Variants in PPFIBP2 observed in about 807,000 individuals in gnomAD.
PPFIBP2 encodes PPFIB scaffold protein 2.
In PPFIBP2, 118 loss-of-function variants were observed where a neutral mutation model predicts 118.3. That is an observed-to-expected ratio of 1.00 (90% CI 0.86 to 1.16). The LOEUF (loss-of-function observed/expected upper bound fraction) is 1.16. Ranked by LOEUF, PPFIBP2 falls within the 50% of genes most tolerant of loss-of-function variation. The pLI, the probability that PPFIBP2 is intolerant of heterozygous loss-of-function variation, is 0.00. For synonymous variants in PPFIBP2, 414 were observed against 397.4 expected (o/e 1.04, Z -0.50); for missense variants, 1,195 against 1,073.1 (o/e 1.11, Z -1.59).
chr11:7,626,906 G>A (rs920380691), intron 8 of PPFIBP2, among the ~76,000 whole-genome samples: 2 of 152,222 alleles, frequency 1.3e-5, no homozygotes, highest in Non-Finnish European at 2.9e-5. Flanking sequence ...GGCTGGAGAA[G>A]GAAATTAGTG....
intron 17 of PPFIBP2, 129 bp from the exon 18 acceptor site, chr11:7,648,258 G>C (rs1853411941): frequency 9.7e-7 from 1 of 1,025,650 alleles, no homozygotes; most frequent in African/African-American, 1.6e-5. Context: ...CCATGATGGA[G>C]GTTGTTTGTT....
chr11:7,561,668 CTT>C (rs1854313614), intron 2 of PPFIBP2, among the ~76,000 whole-genome samples: 1 of 152,184 alleles, frequency 6.6e-6, no homozygotes, highest in African/African-American at 2.4e-5. Context: ...GCAAGTGCCT[CTT>C]GATTGTACTT....
chr11:7,566,570 G>A (rs1409576502), intron 3 of PPFIBP2, among the ~76,000 whole-genome samples: 2 of 152,230 alleles, frequency 1.3e-5, no homozygotes, highest in East Asian at 3.9e-4. Flanking sequence ...GTTTCCCTAT[G>A]TTGTCCAGGT....
chr11:7,534,397 A>G (rs192274846), intron 1 of PPFIBP2, among the ~76,000 whole-genome samples: 4 of 152,322 alleles, frequency 2.6e-5, no homozygotes, highest in African/African-American at 9.6e-5. Flanking sequence ...CTTTTTGGAA[A>G]TATTCACTTT....
intron 3 of PPFIBP2, among the ~76,000 whole-genome samples, chr11:7,582,338 C>T (rs370250986): frequency 6.6e-6 from 1 of 152,154 alleles, no homozygotes. Context: ...CCTCAATTTC[C>T]TATGATACCT....
At chr11:7,581,287 G>A (rs1014656043) in intron 3 of PPFIBP2, among the ~76,000 whole-genome samples, 7 of 152,232 alleles carry the variant, frequency 4.6e-5, no homozygotes, top group African/African-American at 1.7e-4. Flanking sequence ...AGCAGGGTCT[G>A]TGGGACCCAC....
chr11:7,648,991 C>T, intron 19 of PPFIBP2, 80 bp downstream of exon 19: 1 of 1,393,518 alleles, frequency 7.2e-7, no homozygotes, highest in Non-Finnish European at 1.0e-6. Flanking sequence ...AAATGGGTAC[C>T]TCAAGGACAG....
chr11:7,663,888 T>A, the PPFIBP2 span, among the ~76,000 whole-genome samples: 1 of 152,162 alleles, frequency 6.6e-6, no homozygotes, highest in Non-Finnish European at 1.5e-5. Flanking sequence ...AGCGCAGTAT[T>A]CTGGTGGGAG....
At chr11:7,591,777 T>A (rs1859352087) in intron 3 of PPFIBP2, among the ~76,000 whole-genome samples, 1 of 152,102 alleles carries the variant, frequency 6.6e-6, no homozygotes, top group African/African-American at 2.4e-5. Flanking sequence ...CAACAAACAA[T>A]CAATGAATCT....
chr11:7,641,858 T>G, intron 16 of PPFIBP2: 1 of 542,342 alleles, frequency 1.8e-6, no homozygotes. Flanking sequence ...CACCCACCCA[T>G]TCCACACACC....
intron 1 of PPFIBP2, among the ~76,000 whole-genome samples, chr11:7,537,881 C>G (rs1851368679): frequency 6.6e-6 from 1 of 152,156 alleles, no homozygotes; most frequent in African/African-American, 2.4e-5. Context: ...CCTTTGGCAT[C>G]TCCCCAAACC....
intron 5 of PPFIBP2, chr11:7,605,605 G>C (rs1847243208): frequency 1.3e-6 from 1 of 751,734 alleles, no homozygotes; most frequent in African/African-American, 1.9e-5. Context: ...GATCCCATGA[G>C]GATTTTCTGC....
chr11:7,563,045 G>C (rs545133870), intron 2 of PPFIBP2, among the ~76,000 whole-genome samples: 1 of 142,796 alleles, frequency 7.0e-6, no homozygotes, highest in African/African-American at 2.6e-5. Flanking sequence ...ATGTACACAC[G>C]CATACTCTGA....
chr11:7,605,861 A>G (rs1847277179), intron 5 of PPFIBP2: 3 of 1,454,578 alleles, frequency 2.1e-6, no homozygotes, highest in Non-Finnish European at 2.7e-6. Context: ...TACACGTGAG[A>G]TCCAAGTGGT....
chr11:7,653,848 C>T (rs1277629859), downstream of PPFIBP2: 16 of 1,143,048 alleles, frequency 1.4e-5, no homozygotes, highest in African/African-American at 3.3e-5. Flanking sequence ...GCTGAAGAGC[C>T]GGTGGCACTG....
intron 17 of PPFIBP2, 103 bp downstream of exon 17, chr11:7,642,529 C>T: frequency 1.5e-6 from 2 of 1,312,778 alleles, no homozygotes; most frequent in Admixed American, 2.6e-5. Context: ...TTGCGGAAAC[C>T]CCTTTCCATA....
chr11:7,577,228 T>C (rs894363849), intron 3 of PPFIBP2: 3 of 189,342 alleles, frequency 1.6e-5, no homozygotes, highest in African/African-American at 4.7e-5. Flanking sequence ...TCTGTCCAAG[T>C]CTTCTTTCTT....
rs756491171 is a variant in PPFIBP2 at position 7,651,789 on chromosome 11, G to T, written c.2381G>T (p.Arg794Leu). ...GGTCCGGAGGCTGAACAGGAGAAGC[G>T]AGAGAAAATGGCCTCACCAGCTTAC... ...LIGPEAEQEK[R>L]EKMASPAYTP... Residue 794 changes from arginine (R) to leucine (L), a missense_variant, in exon 23 of 24, where the codon CGA (arginine) becomes CTA (leucine). Physicochemically the swap from Arg to Leu is moderately radical, Grantham distance 102. Transcript: ENST00000299492. The T allele has an allele frequency of 2.5e-6, 4 of 1,613,938 alleles. No homozygotes were observed. The highest frequency in any genetic ancestry group is 2.5e-6 in the Non-Finnish European group (3 of 1,179,820).
chr11:7,569,825 C>G (rs1029839985), intron 3 of PPFIBP2, among the ~76,000 whole-genome samples: 1 of 152,172 alleles, frequency 6.6e-6, no homozygotes, highest in Non-Finnish European at 1.5e-5. Context: ...GGGAACAGAG[C>G]TGAGTTCTAG....
Sources: allele counts gnomAD v4.1 joint callset (sites outside exome capture counted in the v4.1 genomes callset), GRCh38; gene constraint gnomAD v4.1.1; transcripts MANE v1.5; gene names NCBI Gene and HGNC (gene_info 2026-07-23, HGNC 2026-07-21).